Variants in OLFM1 observed in about 807,000 individuals in gnomAD.
OLFM1 encodes noelin.
A neutral mutation model predicts 49.7 loss-of-function variants in OLFM1; 9 were observed. That is an observed-to-expected ratio of 0.18 (90% CI 0.11 to 0.32). The LOEUF (loss-of-function observed/expected upper bound fraction) is 0.32, where lower values mean the gene tolerates loss of function less well. Ranked by LOEUF, OLFM1 falls within the 10% of genes least tolerant of loss-of-function variation. The pLI is 1.00. For missense variants in OLFM1, 369 were observed against 661.8 expected, an observed-to-expected ratio of 0.56 and a Z score of 4.85; for synonymous variants, 240 against 271.8, an observed-to-expected ratio of 0.88 and a Z score of 1.15.
chr9:135,099,137 T>G (rs1830837930), intron 4 of OLFM1, among the ~76,000 whole-genome samples: 1 of 152,242 alleles, frequency 6.6e-6, no homozygotes, highest in Non-Finnish European at 1.5e-5. Flanking sequence ...TCCAGTTAAT[T>G]ACTAGGAGAA....
chr9:135,111,295 A>AG (rs1831018779), intron 5 of OLFM1, among the ~76,000 whole-genome samples: 1 of 152,062 alleles, frequency 6.6e-6, no homozygotes, highest in African/African-American at 2.4e-5. Flanking sequence ...TGGGTTGGGG[A>AG]GGGGATTTGG....
chr9:135,077,160 A>G (rs554365565), intron 1 of OLFM1: 18 of 1,548,952 alleles, frequency 1.2e-5, no homozygotes, highest in Non-Finnish European at 1.4e-5. Context: ...GCACACACAC[A>G]CACACACATG....
rs753128818 is a variant in OLFM1 at position 135,090,359 on chromosome 9, AGTGT to A, written c.300+19_300+22del. 753 of 1,596,788 alleles carry A rather than the reference AGTGT, an allele frequency of 4.7e-4. No individual in the cohort carries two copies. Among genetic ancestry groups the A allele is most frequent in the Admixed American group, 9.1e-4 (53 of 58,204 alleles). ...TACTGGAGAAGGTGAGTCTGCGCAG[AGTGT>A]GTGAGTTTGTATGTGTGTGTGTTTG... On this transcript the variant is annotated intron_variant, in intron 2 of 5. Transcript: ENST00000371793.
At chr9:135,108,064 C>A (rs1299334303) in intron 5 of OLFM1, among the ~76,000 whole-genome samples, 2 of 152,234 alleles carry the variant, frequency 1.3e-5, no homozygotes, top group African/African-American at 4.8e-5. Flanking sequence ...GTGGCCCCCG[C>A]CCCCATCTGG....
intron 5 of OLFM1, among the ~76,000 whole-genome samples, chr9:135,110,919 C>G (rs1831013389): frequency 6.6e-6 from 1 of 152,222 alleles, no homozygotes; most frequent in Non-Finnish European, 1.5e-5. Context: ...ACGCCAAGAC[C>G]CCTTAAATAG....
At chr9:135,114,193 T>G (rs1179428473) in intron 5 of OLFM1, among the ~76,000 whole-genome samples, 1 of 134,048 alleles carries the variant, frequency 7.5e-6, no homozygotes, top group Admixed American at 8.6e-5. Flanking sequence ...AGTGCTGGAG[T>G]GCAGTGGTGC....
At position 135,089,909 on chromosome 9, in the gene OLFM1, GACAA is replaced by G. The variant is rs542384053; in HGVS notation, c.151-283_151-280del. Among the ~76,000 whole-genome samples the G allele has an allele frequency of 2.8e-3, 425 of 152,280 alleles. 3 individuals carry two copies. Among genetic ancestry groups the G allele is most frequent in the African/African-American group, 9.8e-3 (406 of 41,564 alleles). On this transcript the variant is annotated intron_variant, in intron 1 of 5. Transcript: ENST00000371793. Reference sequence around the variant, plus strand: ...ACCCAGCAGATCAATTTGGCCAGACGACAAACTCCAGACATCCCTTGAGTTGAAC... The same window carrying G: ...ACCCAGCAGATCAATTTGGCCAGACGACTCCAGACATCCCTTGAGTTGAAC...
chr9:135,103,997 G>A lies in OLFM1; in HGVS notation c.677-2752G>A, dbSNP rs144156302. Among the ~76,000 whole-genome samples, 252 of 152,300 alleles carry A rather than the reference G, an allele frequency of 1.7e-3. 2 individuals are homozygous for A. Among genetic ancestry groups the A allele is most frequent in the African/African-American group, 5.3e-3 (221 of 41,570 alleles). ...GGCTTTTCTGAGCAATGAGTCATTC[G>A]TTCATTCATTAATTCATTCCATACA... On this transcript the variant is annotated intron_variant, in intron 4 of 5. Transcript: ENST00000371793.
At chr9:135,097,013 A>G (rs1830808340) in intron 3 of OLFM1, among the ~76,000 whole-genome samples, 1 of 152,172 alleles carries the variant, frequency 6.6e-6, no homozygotes, top group South Asian at 2.1e-4. Context: ...TAATGAAGGT[A>G]TACATGCATT....
At chr9:135,119,436 T>C (rs1339879134) in intron 5 of OLFM1, 68 bp from the exon 6 acceptor site, 1 of 1,329,030 alleles carries the variant, frequency 7.5e-7, no homozygotes, top group Non-Finnish European at 1.0e-6. Flanking sequence ...TTGGAAGTGC[T>C]CACTGGGTCT....
chr9:135,110,360 C>A (rs1831005075), intron 5 of OLFM1, among the ~76,000 whole-genome samples: 1 of 152,110 alleles, frequency 6.6e-6, no homozygotes, highest in Non-Finnish European at 1.5e-5. Context: ...CACCAGACAC[C>A]AAAAAGGGGG....
intron 2 of OLFM1, among the ~76,000 whole-genome samples, chr9:135,092,267 G>A (rs1273809186): frequency 1.3e-5 from 2 of 152,136 alleles, no homozygotes; most frequent in Non-Finnish European, 2.9e-5. Flanking sequence ...CAGCTCTGAC[G>A]GGCCTTGAAA....
chr9:135,112,566 G>C (rs1000768120), intron 5 of OLFM1, among the ~76,000 whole-genome samples: 1 of 152,194 alleles, frequency 6.6e-6, no homozygotes, highest in African/African-American at 2.4e-5. Flanking sequence ...GCCAAGACCT[G>C]GGGCAGGATG....
intron 4 of OLFM1, among the ~76,000 whole-genome samples, chr9:135,102,692 G>A (rs79987457): frequency 0.012 from 1,783 of 152,268 alleles, 32 homozygotes; most frequent in African/African-American, 0.041. Context: ...TTTGGACATC[G>A]GTTTGTCCAA....
chr9:135,116,149 A>G (rs11790742), intron 5 of OLFM1, among the ~76,000 whole-genome samples: 23,027 of 152,184 alleles, frequency 0.15, 2,008 homozygotes, highest in African/African-American at 0.23. Context: ...AGATGAGAAC[A>G]TTGAGGGAAT....
chr9:135,110,249 TTCTGG>T, intron 5 of OLFM1, among the ~76,000 whole-genome samples: 1 of 152,120 alleles, frequency 6.6e-6, no homozygotes, highest in South Asian at 2.1e-4. Flanking sequence ...GCTCGGAGGC[TTCTGG>T]CCTGCTCTGA....
chr9:135,111,067 A>G (rs1330606281), intron 5 of OLFM1, among the ~76,000 whole-genome samples: 1 of 152,216 alleles, frequency 6.6e-6, no homozygotes, highest in African/African-American at 2.4e-5. Context: ...CGGGACAGTT[A>G]GGAAAATCCC....
chr9:135,086,375 C>T (rs1317977324), upstream of OLFM1, among the ~76,000 whole-genome samples: 3 of 152,258 alleles, frequency 2.0e-5, no homozygotes, highest in Non-Finnish European at 4.4e-5. Flanking sequence ...AGGCCAGGAT[C>T]ATCTTGGCTG....
In OLFM1 at chr9:135,076,800, C is replaced by T. The variant is rs906579392; in HGVS notation, c.96+998C>T. On this transcript the variant is annotated intron_variant, in intron 1 of 5. Transcript: ENST00000252854. ...CCCTTCTTTCCTTCCTCCCTTCCTCCATCTCCCTCAGAATAAAAGAGAAAA... is the reference window on the plus strand; with the variant it reads ...CCCTTCTTTCCTTCCTCCCTTCCTCTATCTCCCTCAGAATAAAAGAGAAAA... 4 of 1,528,942 alleles carry T rather than the reference C, an allele frequency of 2.6e-6. No individual in the cohort carries two copies. In the African/African-American group the frequency reaches 4.1e-5, roughly 16 times the overall value. The allele number at this position is 1,528,942 out of a possible 1,614,324, so 94.7% of individuals were successfully genotyped here.
Sources: gnomAD v4.1 joint callset for allele counts (sites outside exome capture counted in the v4.1 genomes callset) on GRCh38, gnomAD v4.1.1 for gene constraint, MANE v1.5 for transcripts, NCBI Gene and HGNC (gene_info 2026-07-23, HGNC 2026-07-21) for gene names.